The following KLC4 variants were observed in gnomAD, a reference collection of about 807,000 sequenced individuals.
The protein encoded by KLC4 is kinesin-like protein 8.
A neutral mutation model predicts 77.2 loss-of-function variants in KLC4; 49 were observed. The ratio of observed to expected loss-of-function variants is 0.63; its 90% CI spans 0.50 to 0.80. KLC4 has a LOEUF of 0.80. Ranked by LOEUF, KLC4 falls within the 30% of genes least tolerant of loss-of-function variation. The pLI is 0.00. For missense variants in KLC4, 669 were observed against 793.5 expected, an observed-to-expected ratio of 0.84 and a Z score of 1.89; for synonymous variants, 274 against 314.5, an observed-to-expected ratio of 0.87 and a Z score of 1.36.
chr6:43,068,206 G>A (rs1765547154), intron 6 of KLC4, among the ~76,000 whole-genome samples: 1 of 151,626 alleles, frequency 6.6e-6, no homozygotes. Flanking sequence ...GGGCACAGTG[G>A]CTCATGCCTG....
At chr6:43,062,894 G>C in intron 2 of KLC4, 23 bp from the exon 3 acceptor site, 2 of 1,601,452 alleles carry the variant, frequency 1.2e-6, no homozygotes, top group Non-Finnish European at 1.7e-6. Flanking sequence ...AGAATCTGGA[G>C]CTCAGGGGAT....
rs1466746886 is a variant in KLC4 at position 43,071,605 on chromosome 6, G to A, written c.1294G>A (p.Glu432Lys). The A allele has an allele frequency of 6.2e-7, 1 of 1,613,734 alleles. No individual in the cohort carries two copies. Among genetic ancestry groups the A allele is most frequent in the East Asian group, 2.2e-5 (1 of 44,868 alleles). ...KPIWMHAEER[E>K]EMSKSRHHEG... Reference sequence around the variant, plus strand: ...CATCTGGATGCATGCAGAGGAGCGGGAGGAAATGAGCAAAGTGAGTGGGGG... The same window carrying A: ...CATCTGGATGCATGCAGAGGAGCGGAAGGAAATGAGCAAAGTGAGTGGGGG... Residue 432 changes from glutamate to lysine, a missense_variant, in exon 10 of 16, where the codon GAG (glutamate) becomes AAG (lysine). Physicochemically the swap from Glu to Lys is moderately conservative, Grantham distance 56. Transcript: ENST00000347162.
rs781200712 is a variant in KLC4 at position 43,070,684 on chromosome 6, C to T, written c.982-8C>T. The T allele has an allele frequency of 1.9e-6, 3 of 1,608,834 alleles. No homozygotes were observed. The highest frequency in any genetic ancestry group is 1.7e-6 in the Non-Finnish European group (2 of 1,175,618). ...TAGCCATTTATCCACTCCTTTGTTCCCTTTCAGGTCCTGGGCACGAATCAT... is the reference window on the plus strand; with the variant it reads ...TAGCCATTTATCCACTCCTTTGTTCTCTTTCAGGTCCTGGGCACGAATCAT... On this transcript the variant is annotated splice_region_variant and splice_polypyrimidine_tract_variant and intron_variant, in intron 7 of 15. Coordinates refer to ENST00000347162, the MANE Select transcript of KLC4 (RefSeq NM_201521.3).
intron 12 of KLC4, chr6:43,072,623 C>T: frequency 1.7e-6 from 1 of 594,918 alleles, no homozygotes; most frequent in Non-Finnish European, 2.9e-6. Flanking sequence ...CAGTATGGGC[C>T]ATGGGGATAA....
chr6:43,060,253 C>A, intron 1 of KLC4: 2 of 1,614,118 alleles, frequency 1.2e-6, no homozygotes, highest in Non-Finnish European at 1.7e-6. Context: ...TCCTCCCTCC[C>A]CTTTCCCAGA....
intron 3 of KLC4, among the ~76,000 whole-genome samples, chr6:43,064,552 G>A (rs1339550656): frequency 1.3e-5 from 2 of 152,152 alleles, no homozygotes; most frequent in Non-Finnish European, 1.5e-5. Context: ...AAAAATAGAG[G>A]AAGCAGGATA....
chr6:43,061,098 A>G (rs1561909831), intron 1 of KLC4: 1 of 579,386 alleles, frequency 1.7e-6, no homozygotes, highest in East Asian at 2.9e-5. Context: ...CCTTTATTTA[A>G]GTCAGTTCAT....
Position 43,072,939 on chromosome 6 carries a change from C to T in KLC4, c.1604C>T (p.Ala535Val). ...GTGAAATTCGAGGGAGGTGAAGATG[C>T]TTCTGTGGCTGTGGAGTGGTCCGGG... is the stretch of plus-strand genomic sequence containing the variant. ...DSVKFEGGEDASVAVEWSGDG... is the reference protein window; with the variant it reads ...DSVKFEGGEDVSVAVEWSGDG... The change falls in exon 13 of 16, where the codon GCT becomes GTT. Residue 535 changes from alanine to valine, a missense_variant. Physicochemically the swap from Ala to Val is moderately conservative, Grantham distance 64. Coordinates refer to ENST00000347162, the MANE Select transcript of KLC4 (RefSeq NM_201521.3). 1 of 1,608,370 alleles carries T rather than the reference C, an allele frequency of 6.2e-7. No homozygotes were observed. The highest frequency in any genetic ancestry group is 8.5e-7 in the Non-Finnish European group (1 of 1,177,552).
chr6:43,073,684 C>T (rs560320595), intron 14 of KLC4: 1 of 571,944 alleles, frequency 1.7e-6, no homozygotes. Flanking sequence ...TATGGTAAAG[C>T]AGGCAAGTAA....
intron 4 of KLC4, 106 bp downstream of exon 4, chr6:43,065,807 C>A: frequency 1.3e-6 from 1 of 754,340 alleles, no homozygotes; most frequent in Non-Finnish European, 2.2e-6. Flanking sequence ...AATAGGTTCT[C>A]CACTTTCTCT....
intron 13 of KLC4, 83 bp downstream of exon 13, chr6:43,073,047 C>A: frequency 2.7e-6 from 4 of 1,495,204 alleles, no homozygotes; most frequent in South Asian, 1.3e-5. Context: ...CTGTCCCAGT[C>A]TAGGTAGTGT....
At chr6:43,062,068 C>T (rs1765192194) in intron 2 of KLC4, among the ~76,000 whole-genome samples, 1 of 152,176 alleles carries the variant, frequency 6.6e-6, no homozygotes, top group Admixed American at 6.5e-5. Context: ...CAGAGAGCAG[C>T]AAGTGCAGAG....
chr6:43,074,950 A>G lies in KLC4; in HGVS notation c.*278A>G. The G allele has an allele frequency of 4.6e-6, 2 of 439,034 alleles. No homozygotes were observed. Among genetic ancestry groups the G allele is most frequent in the Non-Finnish European group, 4.1e-6 (1 of 241,718 alleles). The allele number at this position is 439,034 out of a possible 1,614,324, so 27.2% of individuals were successfully genotyped here. ...AAGCAGGTATGGCCCTCAGAGATGC[A>G]GCCTGCTGCTGGCTTTTCAGTCAGA... is the stretch of plus-strand genomic sequence containing the variant. On this transcript the variant is annotated 3_prime_UTR_variant, in exon 16 of 16. Coordinates refer to ENST00000347162, the MANE Select transcript of KLC4 (RefSeq NM_201521.3).
chr6:43,066,470 G>A lies in KLC4; in HGVS notation c.736G>A (p.Gly246Ser), dbSNP rs758881010. Reference protein sequence around the residue: ...QALEDLERTSGRGHPDVATML... With the variant: ...QALEDLERTSSRGHPDVATML... ...ACTAGAGGACCTGGAGCGCACATCA[G>A]GCCGTGGCCACCCTGATGTCGCCAC... The change falls in exon 5 of 16, where the codon GGC (glycine) becomes AGC (serine). Residue 246 changes from glycine (G) to serine (S), a missense_variant. Gly to Ser is a moderately conservative substitution (Grantham distance 56). Coordinates refer to ENST00000347162, the MANE Select transcript of KLC4 (RefSeq NM_201521.3). 2.5e-6 allele frequency: 4 copies of A among 1,614,098 alleles called. No individual in the cohort carries two copies. The South Asian group carries it at 4.4e-5, about 18-fold the overall frequency.
At position 43,066,462 on chromosome 6, in the gene KLC4, G is replaced by A. The variant is rs1470458706; in HGVS notation, c.728G>A (p.Arg243His). The change falls in exon 5 of 16, where the codon CGC becomes CAC. Residue 243 changes from arginine (R) to histidine (H), a missense_variant. Transcript: ENST00000347162. ...AAGCAGGCACTAGAGGACCTGGAGC[G>A]CACATCAGGCCGTGGCCACCCTGAT... ...LCKQALEDLE[R>H]TSGRGHPDVA... The A allele has an allele frequency of 6.8e-6, 11 of 1,613,986 alleles. No individual in the cohort carries two copies. Among genetic ancestry groups the A allele is most frequent in the Middle Eastern group, 1.6e-4 (1 of 6,068 alleles).
At chr6:43,068,200 A>G (rs1174042689) in intron 6 of KLC4, among the ~76,000 whole-genome samples, 5 of 145,196 alleles carry the variant, frequency 3.4e-5, no homozygotes, top group African/African-American at 5.0e-5. Flanking sequence ...AGGGTCGGGC[A>G]CAGTGGCTCA....
rs138820331 is a variant in KLC4 at position 43,059,922 on chromosome 6, C to T, written c.-26+237C>T. The T allele has an allele frequency of 3.4e-3, 4,365 of 1,273,398 alleles. 110 individuals are homozygous for T. The African/African-American group carries it at 0.055, about 16-fold the overall frequency. 78.9% of individuals were successfully genotyped at this position (1,273,398 alleles called of 1,614,324 possible). On this transcript the variant is annotated intron_variant, in intron 1 of 15. Transcript: ENST00000347162. The stretch of plus-strand genomic sequence containing the variant: ...TGACCTCGGGGTCGTTAGGCCTCCA[C>T]GTCCTCGCTGGAGCTGCGGACCTCA...
rs998914587 is a variant in KLC4 at position 43,059,683 on chromosome 6, C to A, written c.-28C>A. 1 of 1,336,848 alleles carries A rather than the reference C, an allele frequency of 7.5e-7. No individual in the cohort carries two copies. The allele number at this position is 1,336,848 out of a possible 1,614,324, so 82.8% of individuals were successfully genotyped here. Reference sequence around the variant, plus strand: ...GAGCGGCAGCCACACCGGCAGATTGCAGGTGAGTCTTTGAGGGTATCCTGG... The same window carrying A: ...GAGCGGCAGCCACACCGGCAGATTGAAGGTGAGTCTTTGAGGGTATCCTGG... On this transcript the variant is annotated splice_region_variant and 5_prime_UTR_variant, in exon 1 of 16. Transcript: ENST00000347162.
At position 43,072,128 on chromosome 6, in the gene KLC4, G is replaced by A; in HGVS notation, c.1380-19G>A. 6.3e-7 allele frequency: 1 copy of A among 1,588,600 alleles called. No individual in the cohort carries two copies. The highest frequency in any genetic ancestry group is 8.6e-7 in the Non-Finnish European group (1 of 1,158,140). ...TGAACTCATTCTCTCTTCCTTCTCT[G>A]GTCTCTTTCTCACCACAGCCCCACA... On this transcript the variant is annotated intron_variant, in intron 11 of 15. Coordinates refer to ENST00000347162, the MANE Select transcript of KLC4 (RefSeq NM_201521.3).
Sources: allele counts gnomAD v4.1 joint callset (sites outside exome capture counted in the v4.1 genomes callset), GRCh38; gene constraint gnomAD v4.1.1; transcripts MANE v1.5; gene names NCBI Gene and HGNC (gene_info 2026-07-23, HGNC 2026-07-21).